Variants in BRD10 observed in about 807,000 individuals in gnomAD.
BRD10 encodes the protein bromodomain containing 10.
chr9:5,923,052 G>A, the BRD10 span: 10 of 1,613,974 alleles, frequency 6.2e-6, no homozygotes, highest in South Asian at 1.1e-5. Flanking sequence ...GGAAATGATG[G>A]CTCTGTATGC....
the BRD10 span, among the ~76,000 whole-genome samples, chr9:5,945,482 A>C: frequency 6.6e-6 from 1 of 152,258 alleles, no homozygotes; most frequent in East Asian, 1.9e-4. Flanking sequence ...AAAGACCTAA[A>C]CAAAATGAAG....
At chr9:5,919,900 A>G in the BRD10 span, 10 of 1,613,870 alleles carry the variant, frequency 6.2e-6, no homozygotes, top group South Asian at 1.1e-5. Flanking sequence ...CTGAAGTGCT[A>G]CTTGGCAGTG....
the BRD10 span, chr9:5,922,925 A>G: frequency 6.2e-7 from 1 of 1,614,000 alleles, no homozygotes; most frequent in Non-Finnish European, 8.5e-7. Context: ...GGAAGGAGGC[A>G]GTTGATTTGT....
At chr9:5,953,207 A>G in the BRD10 span, among the ~76,000 whole-genome samples, 1 of 152,122 alleles carries the variant, frequency 6.6e-6, no homozygotes, top group Non-Finnish European at 1.5e-5. Flanking sequence ...ACTTGACTTG[A>G]GACTCACAAA....
At chr9:5,965,371 T>C in the BRD10 span, among the ~76,000 whole-genome samples, 1 of 152,070 alleles carries the variant, frequency 6.6e-6, no homozygotes, top group Non-Finnish European at 1.5e-5. Flanking sequence ...TCTTCAAGAC[T>C]TTCCAGAGTC....
the BRD10 span, among the ~76,000 whole-genome samples, chr9:5,918,642 CTTTTTTT>C: frequency 1.5e-5 from 2 of 134,016 alleles, no homozygotes; most frequent in African/African-American, 5.6e-5. Context: ...CCGTTAGTGG[CTTTTTTT>C]TTTTTTTTTG....
the BRD10 span, among the ~76,000 whole-genome samples, chr9:5,989,031 G>C: frequency 2.0e-5 from 3 of 152,066 alleles, no homozygotes; most frequent in Non-Finnish European, 2.9e-5. Context: ...AGGAGTTTGA[G>C]ACCAGCCTGA....
the BRD10 span, among the ~76,000 whole-genome samples, chr9:5,901,757 A>T: frequency 6.6e-6 from 1 of 151,998 alleles, no homozygotes; most frequent in South Asian, 2.1e-4. Flanking sequence ...CCTGAGCACA[A>T]GCAATCCACC....
chr9:5,908,565 T>G, the BRD10 span: 17 of 1,244,218 alleles, frequency 1.4e-5, no homozygotes, highest in Non-Finnish European at 2.0e-5. Flanking sequence ...ATATGTTAAC[T>G]ATTTTAACTT....
the BRD10 span, among the ~76,000 whole-genome samples, chr9:5,932,649 T>A: frequency 1.3e-5 from 2 of 152,160 alleles, no homozygotes. Flanking sequence ...GATTTTGGTA[T>A]GAAGGTGGGG....
the BRD10 span, among the ~76,000 whole-genome samples, chr9:5,996,503 G>C: frequency 1.3e-5 from 2 of 152,096 alleles, no homozygotes; most frequent in Non-Finnish European, 2.9e-5. Context: ...ATGTTTAGTA[G>C]AGTTGGGATT....
At chr9:5,996,125 A>G in the BRD10 span, among the ~76,000 whole-genome samples, 1 of 152,202 alleles carries the variant, frequency 6.6e-6, no homozygotes, top group Non-Finnish European at 1.5e-5. Flanking sequence ...AGGAGCCCTT[A>G]GTGGTAAGTA....
the BRD10 span, among the ~76,000 whole-genome samples, chr9:5,990,260 T>C: frequency 1.3e-5 from 2 of 152,226 alleles, no homozygotes; most frequent in Admixed American, 6.5e-5. Context: ...TAATTTATTT[T>C]AGTATAATAT....
At chr9:5,991,444 C>T in the BRD10 span, among the ~76,000 whole-genome samples, 6 of 151,992 alleles carry the variant, frequency 3.9e-5, no homozygotes, top group African/African-American at 9.7e-5. Context: ...AAACCAGGGC[C>T]GCGTGCAGTC....
chr9:5,921,083 G>A, the BRD10 span: 1 of 1,613,866 alleles, frequency 6.2e-7, no homozygotes, highest in East Asian at 2.2e-5. Flanking sequence ...TTCATTAACA[G>A]GGGTAATATT....
chr9:5,925,518 G>A, the BRD10 span, among the ~76,000 whole-genome samples: 44 of 151,942 alleles, frequency 2.9e-4, 1 homozygote, highest in Middle Eastern at 0.01. Context: ...ACAGATTAGA[G>A]TCTTAAAATT....
chr9:5,913,315 A>G, the BRD10 span, among the ~76,000 whole-genome samples: 1 of 152,344 alleles, frequency 6.6e-6, no homozygotes, highest in East Asian at 1.9e-4. Context: ...CCTTCTCAAA[A>G]AAAGAACAGA....
chr9:5,887,291 T>A, the BRD10 span, among the ~76,000 whole-genome samples: 1 of 152,066 alleles, frequency 6.6e-6, no homozygotes. Flanking sequence ...TCAAACAAGC[T>A]GGAGAGCATG....
chr9:5,931,414 T>G, the BRD10 span, among the ~76,000 whole-genome samples: 1 of 152,224 alleles, frequency 6.6e-6, no homozygotes, highest in Admixed American at 6.5e-5. Flanking sequence ...GTTTTTACCT[T>G]TTATGTTTAT....
Sources: allele counts gnomAD v4.1 joint callset (sites outside exome capture counted in the v4.1 genomes callset), GRCh38; gene constraint gnomAD v4.1.1; transcripts MANE v1.5; gene names NCBI Gene and HGNC (gene_info 2026-07-23, HGNC 2026-07-21).